The following SPOCK1 variants were observed in gnomAD, a reference collection of about 807,000 sequenced individuals.
SPOCK1 encodes testican-1.
SPOCK1 carries 23 observed loss-of-function variants against 55.3 expected under a neutral mutation model. The observed-to-expected ratio is 0.42, with a 90% CI of 0.30 to 0.59. The LOEUF (loss-of-function observed/expected upper bound fraction) is 0.59. Ranked by LOEUF, SPOCK1 falls within the 20% of genes least tolerant of loss-of-function variation. SPOCK1 has a pLI of 0.22. For missense variants in SPOCK1, 499 were observed against 552.5 expected, an observed-to-expected ratio of 0.90 and a Z score of 0.97; for synonymous variants, 226 against 221.0, an observed-to-expected ratio of 1.02 and a Z score of -0.20.
chr5:137,120,638 C>T (rs1753667597), intron 4 of SPOCK1, among the ~76,000 whole-genome samples: 1 of 152,132 alleles, frequency 6.6e-6, no homozygotes, highest in Non-Finnish European at 1.5e-5. Context: ...GTAACACACC[C>T]TCAAGAAAAG....
intron 5 of SPOCK1, among the ~76,000 whole-genome samples, chr5:137,084,003 T>A (rs893632693): frequency 1.3e-5 from 2 of 152,040 alleles, no homozygotes; most frequent in African/African-American, 4.8e-5. Context: ...CTTTGAGACT[T>A]AGTTTTTACA....
chr5:137,142,446 C>T (rs920912913), intron 3 of SPOCK1, among the ~76,000 whole-genome samples: 1 of 152,198 alleles, frequency 6.6e-6, no homozygotes, highest in African/African-American at 2.4e-5. Context: ...CCCTCCACTG[C>T]CGCAGCTTCA....
chr5:137,175,997 T>C (rs548737478), intron 3 of SPOCK1, among the ~76,000 whole-genome samples: 2 of 152,344 alleles, frequency 1.3e-5, no homozygotes, highest in South Asian at 4.1e-4. Context: ...TTTTTGGCTA[T>C]ACTTATGCTA....
chr5:137,297,081 T>C (rs1181303519), intron 2 of SPOCK1, among the ~76,000 whole-genome samples: 1 of 152,240 alleles, frequency 6.6e-6, no homozygotes, highest in Non-Finnish European at 1.5e-5. Flanking sequence ...ATAATATGTA[T>C]GTATATTTTC....
At chr5:137,201,427 G>A (rs914483512) in intron 3 of SPOCK1, among the ~76,000 whole-genome samples, 1 of 152,220 alleles carries the variant, frequency 6.6e-6, no homozygotes, top group African/African-American at 2.4e-5. Flanking sequence ...GAGAAGGACT[G>A]CTCTACCTAC....
intron 2 of SPOCK1, among the ~76,000 whole-genome samples, chr5:137,396,808 T>C (rs1318774764): frequency 1.3e-5 from 2 of 152,216 alleles, no homozygotes; most frequent in African/African-American, 4.8e-5. Context: ...CTCATGTGCA[T>C]TGAGTGACTT....
At chr5:137,370,094 G>C (rs1252801158) in intron 2 of SPOCK1, among the ~76,000 whole-genome samples, 1 of 152,032 alleles carries the variant, frequency 6.6e-6, no homozygotes, top group Non-Finnish European at 1.5e-5. Context: ...TGGTGCCTAG[G>C]GTGAATGTAG....
chr5:137,177,189 T>C (rs1754870939), intron 3 of SPOCK1, among the ~76,000 whole-genome samples: 4 of 152,136 alleles, frequency 2.6e-5, no homozygotes, highest in African/African-American at 9.7e-5. Context: ...TGGGTGTACT[T>C]TTTTCTTAGT....
At chr5:137,035,748 T>G (rs1751873513) in intron 6 of SPOCK1, among the ~76,000 whole-genome samples, 1 of 152,206 alleles carries the variant, frequency 6.6e-6, no homozygotes. Flanking sequence ...GGGGAGCATG[T>G]GTCTGCTAGC....
At chr5:136,985,049 C>A in intron 9 of SPOCK1, 91 bp downstream of exon 9, 1 of 1,264,954 alleles carries the variant, frequency 7.9e-7, no homozygotes, top group Non-Finnish European at 1.2e-6. Flanking sequence ...AACACTAGCC[C>A]TAATTGAATA....
At chr5:137,415,471 T>A (rs1752309767) in intron 2 of SPOCK1, among the ~76,000 whole-genome samples, 1 of 152,212 alleles carries the variant, frequency 6.6e-6, no homozygotes, top group African/African-American at 2.4e-5. Context: ...GGAAGGGTCC[T>A]CTAGGATGAG....
chr5:137,062,525 A>AGATAATAAT (rs1752412299), intron 6 of SPOCK1, among the ~76,000 whole-genome samples: 1 of 143,464 alleles, frequency 7.0e-6, no homozygotes, highest in Non-Finnish European at 1.5e-5. Flanking sequence ...CAAGCATTAT[A>AGATAATAAT]AATAATAATA....
intron 2 of SPOCK1, among the ~76,000 whole-genome samples, chr5:137,344,926 C>G (rs777203780): frequency 1.3e-5 from 2 of 152,222 alleles, no homozygotes; most frequent in Admixed American, 1.3e-4. Flanking sequence ...TACCACCAGG[C>G]AGCAGTGCTG....
chr5:137,420,067 T>C (rs190782637), intron 2 of SPOCK1, among the ~76,000 whole-genome samples: 2 of 152,362 alleles, frequency 1.3e-5, no homozygotes, highest in Admixed American at 1.3e-4. Context: ...ATGGTTTTTG[T>C]TGTTGGTTCT....
At chr5:137,031,410 A>G (rs1353460788) in intron 6 of SPOCK1, among the ~76,000 whole-genome samples, 1 of 152,226 alleles carries the variant, frequency 6.6e-6, no homozygotes, top group Non-Finnish European at 1.5e-5. Context: ...TAATTATGCC[A>G]TTTCTCTAGA....
intron 2 of SPOCK1, among the ~76,000 whole-genome samples, chr5:137,426,194 A>G (rs1752607056): frequency 6.6e-6 from 1 of 152,196 alleles, no homozygotes; most frequent in African/African-American, 2.4e-5. Flanking sequence ...GCCAACAGTA[A>G]ATGATCAATT....
intron 4 of SPOCK1, among the ~76,000 whole-genome samples, chr5:137,129,843 T>C (rs995209101): frequency 9.9e-5 from 15 of 152,176 alleles, no homozygotes; most frequent in Non-Finnish European, 1.6e-4. Flanking sequence ...TGGCTGGTTA[T>C]TGTTTAGCTA....
intron 3 of SPOCK1, among the ~76,000 whole-genome samples, chr5:137,159,927 G>A (rs1284476561): frequency 6.6e-6 from 1 of 151,812 alleles, no homozygotes; most frequent in Non-Finnish European, 1.5e-5. Context: ...TGGAAATCTG[G>A]CATCTTTTCT....
chr5:137,480,292 G>A (rs140747684), intron 2 of SPOCK1, among the ~76,000 whole-genome samples: 85 of 140,150 alleles, frequency 6.1e-4, no homozygotes, highest in Admixed American at 1.8e-3. Flanking sequence ...AGCTGTTCAC[G>A]TTGCTCTCCT....
Sources: allele counts gnomAD v4.1 joint callset (sites outside exome capture counted in the v4.1 genomes callset), GRCh38; gene constraint gnomAD v4.1.1; transcripts MANE v1.5; gene names NCBI Gene and HGNC (gene_info 2026-07-23, HGNC 2026-07-21).